The following TENM2 variants were observed in gnomAD, a reference collection of about 807,000 sequenced individuals.
TENM2 encodes the protein teneurin transmembrane protein 2.
TENM2 carries 52 observed loss-of-function variants against 245.2 expected under a neutral mutation model. That is an observed-to-expected ratio of 0.21 (90% CI 0.17 to 0.27). The LOEUF (loss-of-function observed/expected upper bound fraction) is 0.27, where lower values mean the gene tolerates loss of function less well. Among genes scored for constraint, TENM2 ranks in the 10% least tolerant of loss-of-function variants. TENM2 has a pLI of 1.00. For synonymous variants in TENM2, 1,363 were observed against 1,438.9 expected, an observed-to-expected ratio of 0.95 and a Z score of 1.19; for missense variants, 3,046 against 3,666.8, an observed-to-expected ratio of 0.83 and a Z score of 4.37.
intron 4 of TENM2, among the ~76,000 whole-genome samples, chr5:167,981,103 C>T (rs564290187): frequency 8.5e-5 from 13 of 152,332 alleles, no homozygotes; most frequent in African/African-American, 3.1e-4. Context: ...AAGGCCCAGC[C>T]TCCTTTGCCC....
chr5:167,864,924 A>C (rs199874596), intron 2 of TENM2, among the ~76,000 whole-genome samples: 3 of 152,254 alleles, frequency 2.0e-5, no homozygotes, highest in East Asian at 3.8e-4. Context: ...AGAAGTGAAC[A>C]TAAAAATGAG....
intron 1 of TENM2, among the ~76,000 whole-genome samples, chr5:167,321,801 T>TTTTTTTTGTTGTG (rs67957514): frequency 1.4e-4 from 1 of 7,282 alleles, no homozygotes; most frequent in Non-Finnish European, 2.9e-4. Context: ...TTTTTTTTTT[T>TTTTTTTTGTTGTG]GGGGGGGGGG....
intron 2 of TENM2, among the ~76,000 whole-genome samples, chr5:167,488,670 A>G (rs1768238343): frequency 7.0e-6 from 1 of 143,092 alleles, no homozygotes; most frequent in South Asian, 2.3e-4. Context: ...TTCTACCCCC[A>G]CCACATCCAA....
chr5:168,118,012 T>C (rs1303386590), intron 9 of TENM2, among the ~76,000 whole-genome samples: 1 of 152,202 alleles, frequency 6.6e-6, no homozygotes, highest in African/African-American at 2.4e-5. Context: ...AGCCTCCACC[T>C]CATAGGGTGA....
rs1049960924 is a variant in TENM2 at position 167,518,166 on chromosome 5, A to AC, written c.502+142693_502+142694insC. Reference sequence around the variant, plus strand: ...ATAGAGCAAGACCCTGTCTCAAAAAAAAAAAAAATTAATAGTTTAAGTTCA... The same window carrying AC: ...ATAGAGCAAGACCCTGTCTCAAAAAACAAAAAAAATTAATAGTTTAAGTTCA... On this transcript the variant is annotated intron_variant, in intron 2 of 28. Coordinates refer to ENST00000518659, the Ensembl canonical transcript of TENM2. Among the ~76,000 whole-genome samples, 6 of 152,160 alleles carry AC rather than the reference A, an allele frequency of 3.9e-5. No individual in the cohort carries two copies. In the East Asian group the frequency reaches 1.2e-3, roughly 29 times the overall value.
chr5:167,586,309 A>C (rs1775493521), intron 2 of TENM2, among the ~76,000 whole-genome samples: 1 of 152,182 alleles, frequency 6.6e-6, no homozygotes, highest in African/African-American at 2.4e-5. Flanking sequence ...TATTTGAGGG[A>C]CTTGAGCATC....
the TENM2 span, among the ~76,000 whole-genome samples, chr5:167,141,174 T>G: frequency 6.6e-6 from 1 of 152,188 alleles, no homozygotes; most frequent in Non-Finnish European, 1.5e-5. Context: ...TGCGATTCGC[T>G]TCATGCATAC....
intron 4 of TENM2, among the ~76,000 whole-genome samples, chr5:167,989,915 G>A (rs1783540008): frequency 6.6e-6 from 1 of 152,142 alleles, no homozygotes; most frequent in East Asian, 1.9e-4. Flanking sequence ...AACGGGATGT[G>A]GGTCAGGAGC....
chr5:167,958,450 T>A (rs1462515185), intron 4 of TENM2, among the ~76,000 whole-genome samples: 2 of 152,214 alleles, frequency 1.3e-5, no homozygotes, highest in Non-Finnish European at 2.9e-5. Context: ...AGTCTGTGTC[T>A]TTTAATTGGG....
intron 2 of TENM2, among the ~76,000 whole-genome samples, chr5:167,542,507 A>G (rs552668355): frequency 6.6e-6 from 1 of 152,234 alleles, no homozygotes; most frequent in African/African-American, 2.4e-5. Flanking sequence ...TGAAGGGTCA[A>G]GCCCAGGAAT....
chr5:167,050,012 A>T, the TENM2 span, among the ~76,000 whole-genome samples: 1 of 152,164 alleles, frequency 6.6e-6, no homozygotes, highest in East Asian at 1.9e-4. Flanking sequence ...TGGAGTTGAG[A>T]TGTAGGATAA....
At chr5:167,826,368 A>G (rs1767974441) in intron 2 of TENM2, among the ~76,000 whole-genome samples, 1 of 152,068 alleles carries the variant, frequency 6.6e-6, no homozygotes, top group Admixed American at 6.6e-5. Flanking sequence ...ATTTCACTAT[A>G]TTTTTGCAGA....
chr5:168,105,948 A>G (rs1794207915), intron 9 of TENM2, among the ~76,000 whole-genome samples: 2 of 151,940 alleles, frequency 1.3e-5, no homozygotes, highest in South Asian at 4.2e-4. Flanking sequence ...GCTTCCTCGG[A>G]TTGTTTGTAA....
intron 2 of TENM2, among the ~76,000 whole-genome samples, chr5:167,717,648 G>A (rs2150506460): frequency 6.6e-6 from 1 of 152,072 alleles, no homozygotes; most frequent in African/African-American, 2.4e-5. Context: ...CTGGTTGAAG[G>A]ACTTATAGCA....
At chr5:167,359,511 TA>T (rs1315949348) in intron 1 of TENM2, among the ~76,000 whole-genome samples, 15 of 143,774 alleles carry the variant, frequency 1.0e-4, no homozygotes, top group Non-Finnish European at 2.2e-4. Flanking sequence ...TTCTACTTTC[TA>T]TTTTTTTTTT....
intron 8 of TENM2, among the ~76,000 whole-genome samples, chr5:168,096,587 G>A (rs2152272091): frequency 6.6e-6 from 1 of 152,306 alleles, no homozygotes; most frequent in South Asian, 2.1e-4. Context: ...ACTGTAGAAA[G>A]AAAACAAAAC....
the TENM2 span, among the ~76,000 whole-genome samples, chr5:167,257,094 C>G: frequency 2.2e-3 from 339 of 152,184 alleles, 1 homozygote; most frequent in African/African-American, 7.5e-3. Flanking sequence ...AGATGGGCAT[C>G]TTTCTATCTG....
the TENM2 span, among the ~76,000 whole-genome samples, chr5:167,038,180 C>T: frequency 6.6e-5 from 10 of 152,264 alleles, no homozygotes; most frequent in Admixed American, 1.3e-4. Context: ...TGGCAAAGGG[C>T]GCAGGAGAAA....
At chr5:166,995,555 T>G in the TENM2 span, among the ~76,000 whole-genome samples, 1 of 152,092 alleles carries the variant, frequency 6.6e-6, no homozygotes, top group African/African-American at 2.4e-5. Context: ...GTGATGATTT[T>G]TAAACCATAA....
Sources: gnomAD v4.1 joint callset for allele counts (sites outside exome capture counted in the v4.1 genomes callset) on GRCh38, gnomAD v4.1.1 for gene constraint, MANE v1.5 for transcripts, NCBI Gene and HGNC (gene_info 2026-07-23, HGNC 2026-07-21) for gene names.